The following SOX6 variants were observed in gnomAD, a reference collection of about 807,000 sequenced individuals.
SOX6 encodes SRY-box transcription factor 6.
In SOX6, 11 loss-of-function variants were observed where a neutral mutation model predicts 97.8. The observed-to-expected ratio is 0.11, with a 90% CI of 0.07 to 0.19. SOX6 has a LOEUF of 0.19. Among genes scored for constraint, SOX6 ranks in the 10% least tolerant of loss-of-function variants. The pLI is 1.00. For missense variants in SOX6, 810 were observed against 1,039.5 expected (o/e 0.78, Z 3.04); for synonymous variants, 360 against 371.4 (o/e 0.97, Z 0.35).
At chr11:16,538,787 T>C (rs1186420754) in intron 4 of SOX6, among the ~76,000 whole-genome samples, 1 of 152,204 alleles carries the variant, frequency 6.6e-6, no homozygotes, top group Non-Finnish European at 1.5e-5. Flanking sequence ...ATCCTAAATA[T>C]ATATGCATCC....
chr11:16,481,004 T>TA (rs1286387501), upstream of SOX6, among the ~76,000 whole-genome samples: 1 of 152,170 alleles, frequency 6.6e-6, no homozygotes, highest in Non-Finnish European at 1.5e-5. Context: ...TATATCAGAA[T>TA]AAAAATTACA....
chr11:16,298,255 C>A (rs1315877501), intron 3 of SOX6, among the ~76,000 whole-genome samples: 1 of 152,058 alleles, frequency 6.6e-6, no homozygotes, highest in Non-Finnish European at 1.5e-5. Flanking sequence ...GTCCTGACAA[C>A]CAGAGGGCTA....
chr11:16,003,933 G>A (rs73417052), intron 13 of SOX6, among the ~76,000 whole-genome samples: 2,312 of 151,888 alleles, frequency 0.015, 61 homozygotes, highest in African/African-American at 0.053. Context: ...TGGAAGGATG[G>A]TAAGGCATGT....
At chr11:16,477,505 A>G (rs922108159), upstream of SOX6, among the ~76,000 whole-genome samples, 2 of 152,158 alleles carry the variant, frequency 1.3e-5, no homozygotes, top group Admixed American at 1.3e-4. Flanking sequence ...CCCCTAAAAT[A>G]TGCTTTTACC....
intron 14 of SOX6, 97 bp from the exon 15 acceptor site, chr11:15,986,517 T>C (rs1853844794): frequency 1.7e-6 from 2 of 1,176,638 alleles, no homozygotes; most frequent in African/African-American, 3.0e-5. Flanking sequence ...CACTCATCTG[T>C]GCGCTGGGTG....
intron 4 of SOX6, among the ~76,000 whole-genome samples, chr11:16,499,908 T>C (rs1264445095): frequency 6.6e-5 from 10 of 152,182 alleles, no homozygotes; most frequent in East Asian, 1.9e-4. Context: ...CCATTCCTTC[T>C]GAAACTATTC....
intron 4 of SOX6, among the ~76,000 whole-genome samples, chr11:16,514,801 G>C (rs540634687): frequency 6.7e-6 from 1 of 150,070 alleles, no homozygotes; most frequent in South Asian, 2.1e-4. Flanking sequence ...GCGGTGTTTG[G>C]CTTTTTGTGC....
intron 12 of SOX6, among the ~76,000 whole-genome samples, chr11:16,015,934 T>G (rs1854869254): frequency 6.6e-6 from 1 of 152,120 alleles, no homozygotes; most frequent in Admixed American, 6.6e-5. Flanking sequence ...TTAAATGTCA[T>G]GTCAGCTTGA....
At chr11:16,415,527 G>A (rs976061542) in intron 1 of SOX6, among the ~76,000 whole-genome samples, 1 of 152,044 alleles carries the variant, frequency 6.6e-6, no homozygotes, top group African/African-American at 2.4e-5. Context: ...ACAATTTACT[G>A]AGTATTTTCA....
chr11:16,370,966 A>AG (rs1182889861), intron 1 of SOX6, among the ~76,000 whole-genome samples: 1 of 152,072 alleles, frequency 6.6e-6, no homozygotes, highest in Non-Finnish European at 1.5e-5. Flanking sequence ...ATTTATTCCC[A>AG]GAAACAACCA....
intron 3 of SOX6, among the ~76,000 whole-genome samples, chr11:16,712,780 CT>C (rs1348370400): frequency 6.6e-6 from 1 of 152,060 alleles, no homozygotes; most frequent in African/African-American, 2.4e-5. Flanking sequence ...ATGTAGTTGT[CT>C]TTTTATTGTC....
At chr11:16,059,534 C>T (rs779555938) in intron 9 of SOX6, among the ~76,000 whole-genome samples, 2 of 151,876 alleles carry the variant, frequency 1.3e-5, no homozygotes, top group Non-Finnish European at 2.9e-5. Flanking sequence ...CAAAAACAGA[C>T]CTTTCAGCAC....
chr11:16,220,399 G>A (rs1191297941), intron 4 of SOX6, among the ~76,000 whole-genome samples: 2 of 152,046 alleles, frequency 1.3e-5, no homozygotes, highest in Non-Finnish European at 2.9e-5. Context: ...AGACGGGAAT[G>A]AAGCTGAATA....
At chr11:16,594,943 G>A (rs557323787) in intron 4 of SOX6, among the ~76,000 whole-genome samples, 5 of 151,810 alleles carry the variant, frequency 3.3e-5, no homozygotes, top group Non-Finnish European at 5.9e-5. Flanking sequence ...CGCCCCCCTC[G>A]GCCTCCCCGA....
chr11:15,974,402 T>A (rs936568149), intron 15 of SOX6, among the ~76,000 whole-genome samples: 1 of 117,360 alleles, frequency 8.5e-6, no homozygotes, highest in Admixed American at 9.3e-5. Flanking sequence ...TTTTTTTTTT[T>A]ATTATACTCT....
chr11:16,549,118 A>G (rs1351090034), intron 4 of SOX6, among the ~76,000 whole-genome samples: 1 of 152,184 alleles, frequency 6.6e-6, no homozygotes, highest in South Asian at 2.1e-4. Flanking sequence ...AGGGAAAAGC[A>G]CATTTAAAAC....
chr11:16,405,203 C>T (rs888511738), intron 1 of SOX6, among the ~76,000 whole-genome samples: 2 of 151,878 alleles, frequency 1.3e-5, no homozygotes, highest in African/African-American at 4.8e-5. Flanking sequence ...TGCTTTTACC[C>T]CCAATAAAGC....
Position 16,368,544 on chromosome 11 carries a change from C to G in SOX6, c.-4-27292G>C, listed in dbSNP as rs191536141. On this transcript the variant is annotated intron_variant, in intron 1 of 15. Transcript: ENST00000396356. ...TTTTCAACAAATGGTGCTTGGAAAA[C>G]TGTATATCTACCTATTTAAAAAATG... is the stretch of plus-strand genomic sequence containing the variant. Among the ~76,000 whole-genome samples the G allele has an allele frequency of 4.6e-3, 702 of 152,194 alleles. 5 individuals carry two copies. Among genetic ancestry groups the G allele is most frequent in the African/African-American group, 0.016 (679 of 41,544 alleles).
At chr11:16,715,153 G>A (rs533951722) in intron 2 of SOX6, among the ~76,000 whole-genome samples, 2 of 152,200 alleles carry the variant, frequency 1.3e-5, no homozygotes, top group South Asian at 4.1e-4. Flanking sequence ...GGGGCTCTAA[G>A]GTGCTAGAAA....
Sources: allele counts gnomAD v4.1 joint callset (sites outside exome capture counted in the v4.1 genomes callset), GRCh38; gene constraint gnomAD v4.1.1; transcripts MANE v1.5; gene names NCBI Gene and HGNC (gene_info 2026-07-23, HGNC 2026-07-21).